DGKB: variants seen among roughly 807,000 people sequenced by gnomAD.
The protein encoded by DGKB is 90 kDa diacylglycerol kinase.
DGKB carries 67 observed loss-of-function variants against 114.3 expected under a neutral mutation model. The observed-to-expected ratio is 0.59, with a 90% CI of 0.48 to 0.72. DGKB has a LOEUF of 0.72. Among genes scored for constraint, DGKB ranks in the 30% least tolerant of loss-of-function variants. The probability of loss-of-function intolerance (pLI) is 0.00; values close to 1 mark genes in which losing one functional copy is unlikely to be tolerated. For missense variants in DGKB, 907 were observed against 975.2 expected (o/e 0.93, Z 0.93); for synonymous variants, 398 against 323.1 (o/e 1.23, Z -2.49).
intron 19 of DGKB, 91 bp from the exon 20 acceptor site, chr7:14,574,463 T>C (rs1453304794): frequency 2.9e-6 from 3 of 1,038,988 alleles, no homozygotes; most frequent in Non-Finnish European, 2.8e-6. Flanking sequence ...GCATATGTAA[T>C]ATTCTAAAGG....
chr7:14,900,996 T>C (rs1051571887), intron 1 of DGKB, among the ~76,000 whole-genome samples: 4 of 152,124 alleles, frequency 2.6e-5, no homozygotes, highest in African/African-American at 9.7e-5. Flanking sequence ...CTGTCAAAAA[T>C]TTTTAACCAC....
chr7:14,623,913 G>T (rs1194054589), intron 14 of DGKB, among the ~76,000 whole-genome samples: 1 of 152,016 alleles, frequency 6.6e-6, no homozygotes, highest in Non-Finnish European at 1.5e-5. Flanking sequence ...TAACCTAGAG[G>T]GTTTATGCTT....
At chr7:14,825,016 G>T (rs371222373) in intron 2 of DGKB, among the ~76,000 whole-genome samples, 1 of 92,412 alleles carries the variant, frequency 1.1e-5, no homozygotes, top group East Asian at 3.3e-4. Flanking sequence ...GTATGTGTAT[G>T]TATATATATA....
intron 19 of DGKB, among the ~76,000 whole-genome samples, chr7:14,580,162 C>G (rs6461109): frequency 0.77 from 117,518 of 152,092 alleles, 45,539 homozygotes; most frequent in African/African-American, 0.84. Flanking sequence ...CAAGTGCCTT[C>G]CCACCTCTGG....
chr7:14,577,747 A>T (rs1348627570), intron 19 of DGKB, among the ~76,000 whole-genome samples: 2 of 152,226 alleles, frequency 1.3e-5, no homozygotes, highest in African/African-American at 4.8e-5. Context: ...AAGAATGCTA[A>T]TTAAGCTAGA....
At chr7:14,423,717 G>T (rs542177319) in intron 21 of DGKB, among the ~76,000 whole-genome samples, 228 of 152,166 alleles carry the variant, frequency 1.5e-3, no homozygotes, top group Non-Finnish European at 2.7e-3. Flanking sequence ...TTCACTCAAT[G>T]ATGACTGCAT....
At chr7:14,340,886 C>G (rs1441679905) in intron 22 of DGKB, among the ~76,000 whole-genome samples, 1 of 151,686 alleles carries the variant, frequency 6.6e-6, no homozygotes, top group Non-Finnish European at 1.5e-5. Context: ...AATTATTTGA[C>G]TAGGCCTTAG....
chr7:14,368,319 T>G (rs1163181167), intron 21 of DGKB, among the ~76,000 whole-genome samples: 1 of 152,200 alleles, frequency 6.6e-6, no homozygotes, highest in East Asian at 1.9e-4. Flanking sequence ...GTATTCACCT[T>G]TATAGTATCA....
At chr7:14,333,628 T>C (rs930895650) in intron 23 of DGKB, among the ~76,000 whole-genome samples, 1 of 152,170 alleles carries the variant, frequency 6.6e-6, no homozygotes, top group East Asian at 1.9e-4. Context: ...TCAAATAGTA[T>C]GAATGTGTTG....
chr7:14,151,067 A>G (rs758721330), intron 25 of DGKB, among the ~76,000 whole-genome samples: 2 of 152,084 alleles, frequency 1.3e-5, no homozygotes, highest in Admixed American at 6.6e-5. Flanking sequence ...GAAAATGAAA[A>G]TGAATCATTT....
intron 1 of DGKB, among the ~76,000 whole-genome samples, chr7:14,865,182 A>G (rs1470974057): frequency 6.6e-6 from 1 of 152,184 alleles, no homozygotes; most frequent in Non-Finnish European, 1.5e-5. Context: ...TAGGGTTAAG[A>G]AAAAATGAGT....
intron 4 of DGKB, among the ~76,000 whole-genome samples, chr7:14,753,529 A>G (rs953221253): frequency 2.0e-5 from 3 of 151,698 alleles, no homozygotes; most frequent in Admixed American, 2.0e-4. Flanking sequence ...ACAAAACAAA[A>G]CAAAGCCTTA....
At chr7:14,331,933 G>A (rs888679471) in intron 23 of DGKB, among the ~76,000 whole-genome samples, 2 of 152,132 alleles carry the variant, frequency 1.3e-5, no homozygotes, top group African/African-American at 2.4e-5. Context: ...TGCATAGAGA[G>A]ATCAAATAGG....
intron 1 of DGKB, among the ~76,000 whole-genome samples, chr7:14,909,946 C>T (rs759078390): frequency 2.5e-4 from 38 of 152,198 alleles, no homozygotes; most frequent in African/African-American, 8.4e-4. Context: ...GTGGTTCACA[C>T]CTGTAATCCC....
intron 5 of DGKB, among the ~76,000 whole-genome samples, chr7:14,724,704 A>G (rs775135435): frequency 3.3e-5 from 5 of 152,228 alleles, no homozygotes; most frequent in African/African-American, 4.8e-5. Flanking sequence ...ATTTGACCCT[A>G]CAATTCTGTT....
intron 20 of DGKB, among the ~76,000 whole-genome samples, chr7:14,525,861 T>G (rs979809037): frequency 8.0e-6 from 1 of 125,388 alleles, no homozygotes; most frequent in Non-Finnish European, 1.8e-5. Flanking sequence ...CCCACAAAGT[T>G]AAATTGTGAA....
intron 6 of DGKB, among the ~76,000 whole-genome samples, chr7:14,704,965 T>C (rs201328166): frequency 2.0e-5 from 3 of 152,038 alleles, no homozygotes; most frequent in East Asian, 2.0e-4. Flanking sequence ...CAAAGCTGGA[T>C]GGAGAATGAC....
intron 23 of DGKB, among the ~76,000 whole-genome samples, chr7:14,237,550 A>T (rs1396512257): frequency 2.0e-5 from 3 of 151,920 alleles, no homozygotes. Flanking sequence ...TATATATTTT[A>T]TTATAATATT....
intron 3 of DGKB, among the ~76,000 whole-genome samples, chr7:14,755,588 A>G (rs949497796): frequency 1.3e-5 from 2 of 152,138 alleles, no homozygotes; most frequent in Non-Finnish European, 2.9e-5. Flanking sequence ...ATGCAGAGTG[A>G]TAACTTCACA....
Sources: allele counts gnomAD v4.1 joint callset (sites outside exome capture counted in the v4.1 genomes callset), GRCh38; gene constraint gnomAD v4.1.1; transcripts MANE v1.5; gene names NCBI Gene and HGNC (gene_info 2026-07-23, HGNC 2026-07-21).